The following NEK11 variants were observed in gnomAD, a reference collection of about 807,000 sequenced individuals.
NEK11 encodes the protein serine/threonine-protein kinase Nek11.
Under a neutral mutation model 80.7 loss-of-function variants are expected in NEK11, and 72 were observed. That is an observed-to-expected ratio of 0.89 (90% CI 0.74 to 1.08). The LOEUF (loss-of-function observed/expected upper bound fraction) is 1.08, where lower values mean the gene tolerates loss of function less well. Among genes scored for constraint, NEK11 ranks in the 50% least tolerant of loss-of-function variants. The pLI is 0.00. For missense variants in NEK11, 764 were observed against 763.6 expected, an observed-to-expected ratio of 1.00 and a Z score of -0.01; for synonymous variants, 251 against 260.7, an observed-to-expected ratio of 0.96 and a Z score of 0.36.
At chr3:131,267,763 T>C (rs2096090211) in intron 16 of NEK11, among the ~76,000 whole-genome samples, 1 of 152,232 alleles carries the variant, frequency 6.6e-6, no homozygotes, top group African/African-American at 2.4e-5. Context: ...GGGTTGCTCT[T>C]CTCGAGGAGT....
chr3:131,072,005 T>C (rs1472220223), intron 3 of NEK11, among the ~76,000 whole-genome samples: 2 of 152,246 alleles, frequency 1.3e-5, no homozygotes. Flanking sequence ...ATATTTACTG[T>C]ACTACATTCT....
chr3:131,201,077 A>G (rs1245182810), intron 14 of NEK11, among the ~76,000 whole-genome samples: 2 of 152,114 alleles, frequency 1.3e-5, no homozygotes, highest in Non-Finnish European at 2.9e-5. Flanking sequence ...TAAATCTTGT[A>G]GACATGATAT....
chr3:131,341,474 G>A (rs1026421809), intron 17 of NEK11, among the ~76,000 whole-genome samples: 14 of 152,142 alleles, frequency 9.2e-5, no homozygotes, highest in Non-Finnish European at 1.6e-4. Context: ...AATGTTACAT[G>A]AGAGCCTGGG....
chr3:131,123,366 C>T (rs548875294), intron 5 of NEK11, among the ~76,000 whole-genome samples: 40 of 152,252 alleles, frequency 2.6e-4, no homozygotes, highest in African/African-American at 7.7e-4. Flanking sequence ...GGGGTTTCAC[C>T]GTGCTGGCCA....
chr3:131,165,090 G>A lies in NEK11; in HGVS notation c.1083-336G>A, dbSNP rs374705819. Reference sequence around the variant, plus strand: ...TTTGTTCATCCTGAAAGCAGTTTTTGTGTTATTAGTATGTGTTAGGCACTG... The same window carrying A: ...TTTGTTCATCCTGAAAGCAGTTTTTATGTTATTAGTATGTGTTAGGCACTG... On this transcript the variant is annotated intron_variant, in intron 11 of 17. Transcript: ENST00000383366. 4.6e-5 allele frequency among the ~76,000 whole-genome samples: 7 copies of A among 152,296 alleles called. No individual in the cohort carries two copies. The South Asian group carries it at 1.2e-3, about 27-fold the overall frequency.
chr3:131,202,138 G>A (rs956252927), intron 14 of NEK11, among the ~76,000 whole-genome samples: 9 of 152,248 alleles, frequency 5.9e-5, no homozygotes, highest in Admixed American at 1.3e-4. Flanking sequence ...CCAAGAGGGC[G>A]GAATAGGAAC....
chr3:131,283,891 C>T (rs547118182), intron 17 of NEK11, among the ~76,000 whole-genome samples: 2 of 152,240 alleles, frequency 1.3e-5, no homozygotes, highest in East Asian at 1.9e-4. Context: ...ATTTATATGT[C>T]GGTTTTAAGA....
At chr3:131,167,109 T>A (rs926628366) in intron 12 of NEK11, among the ~76,000 whole-genome samples, 2 of 152,246 alleles carry the variant, frequency 1.3e-5, no homozygotes, top group Admixed American at 6.5e-5. Flanking sequence ...GTATTTCTTA[T>A]AAGTCCTCTG....
chr3:131,200,396 A>T (rs1336154948), intron 14 of NEK11, among the ~76,000 whole-genome samples: 1 of 152,194 alleles, frequency 6.6e-6, no homozygotes, highest in Non-Finnish European at 1.5e-5. Context: ...GGGAGTATAA[A>T]TTGATGCCTC....
At chr3:131,084,735 C>G (rs1021973552) in intron 4 of NEK11, among the ~76,000 whole-genome samples, 1 of 152,140 alleles carries the variant, frequency 6.6e-6, no homozygotes, top group Non-Finnish European at 1.5e-5. Flanking sequence ...AGTACTAGTT[C>G]TCAACATTGG....
rs1560563226 is a variant in NEK11, at chr3:131,132,775, G to A, written c.486G>A (p.Lys162=). 6.5e-7 allele frequency: 1 copy of A among 1,535,684 alleles called. No homozygotes were observed. The highest frequency in any genetic ancestry group is 8.9e-7 in the Non-Finnish European group (1 of 1,128,004). ...TACTTCATCGAGACTTAAAGTCAAA[G>A]AATGTATTTCTGAAAAATAATCTCC... The part of the protein sequence containing the change: ...RRILHRDLKS[K]NVFLKNNLLK... The change falls in exon 6 of 18, where the codon AAG becomes AAA. Residue 162 remains lysine, a synonymous_variant. Coordinates refer to ENST00000383366, the MANE Select transcript of NEK11 (RefSeq NM_024800.5).
At chr3:131,132,844 A>C (rs760468169) in intron 6 of NEK11, 35 bp downstream of exon 6, 36 of 932,390 alleles carry the variant, frequency 3.9e-5, no homozygotes, top group Non-Finnish European at 5.5e-5. Flanking sequence ...CCAAAAACGC[A>C]GAACAGTATA....
At chr3:131,255,114 A>AAGAG (rs1203475288) in intron 16 of NEK11, among the ~76,000 whole-genome samples, 1 of 150,972 alleles carries the variant, frequency 6.6e-6, no homozygotes, top group Non-Finnish European at 1.5e-5. Flanking sequence ...GAAAGAAAGA[A>AAGAG]AGAAAGAAAG....
intron 14 of NEK11, among the ~76,000 whole-genome samples, chr3:131,205,858 A>G (rs2094427706): frequency 6.6e-6 from 1 of 152,246 alleles, no homozygotes; most frequent in African/African-American, 2.4e-5. Context: ...AAAATTTGGA[A>G]GTAATTCCTA....
chr3:131,146,808 G>A (rs2088411557), intron 7 of NEK11, among the ~76,000 whole-genome samples: 1 of 152,012 alleles, frequency 6.6e-6, no homozygotes, highest in African/African-American at 2.4e-5. Flanking sequence ...GACTAAAAAT[G>A]TTGAGCGTCT....
intron 3 of NEK11, among the ~76,000 whole-genome samples, chr3:131,067,496 A>C (rs2072255831): frequency 6.6e-6 from 1 of 152,234 alleles, no homozygotes; most frequent in Non-Finnish European, 1.5e-5. Flanking sequence ...AAAGATTGAA[A>C]TACCCCTCGT....
intron 17 of NEK11, among the ~76,000 whole-genome samples, chr3:131,339,708 A>G (rs1426258952): frequency 6.6e-6 from 1 of 152,216 alleles, no homozygotes; most frequent in African/African-American, 2.4e-5. Context: ...TGTTTCTTAC[A>G]GTAAACAGGA....
At chr3:131,115,948 T>TTCTTTCTTTC (rs2081059124) in intron 5 of NEK11, among the ~76,000 whole-genome samples, 4 of 131,892 alleles carry the variant, frequency 3.0e-5, no homozygotes, top group Non-Finnish European at 6.5e-5. Context: ...CTTTCTTTCT[T>TTCTTTCTTTC]TCTTTCTTTC....
chr3:131,344,141 T>C (rs1357884708), intron 17 of NEK11, among the ~76,000 whole-genome samples: 1 of 152,204 alleles, frequency 6.6e-6, no homozygotes, highest in Non-Finnish European at 1.5e-5. Flanking sequence ...TATCTGGACA[T>C]AGGTTGTTAG....
Sources: allele counts gnomAD v4.1 joint callset (sites outside exome capture counted in the v4.1 genomes callset), GRCh38; gene constraint gnomAD v4.1.1; transcripts MANE v1.5; gene names NCBI Gene and HGNC (gene_info 2026-07-23, HGNC 2026-07-21).